ELAC2: variants seen among roughly 807,000 people sequenced by gnomAD.
ELAC2 encodes zinc phosphodiesterase ELAC protein 2.
A neutral mutation model predicts 105.2 loss-of-function variants in ELAC2; 92 were observed. The ratio of observed to expected loss-of-function variants is 0.87; its 90% CI spans 0.74 to 1.04. The LOEUF is 1.04. Among genes scored for constraint, ELAC2 ranks in the 50% least tolerant of loss-of-function variants. ELAC2 has a pLI of 0.00. For missense variants in ELAC2, 1,099 were observed against 1,071.7 expected (o/e 1.03, Z -0.36); for synonymous variants, 468 against 409.1 (o/e 1.14, Z -1.74).
intron 1 of ELAC2, 68 bp from the exon 2 acceptor site, chr17:13,017,189 A>T: frequency 7.5e-7 from 1 of 1,338,226 alleles, no homozygotes; most frequent in Non-Finnish European, 1.1e-6. Context: ...CACCAATTAG[A>T]TGTTTTATTG....
At chr17:13,005,628 G>C in intron 10 of ELAC2, 125 bp downstream of exon 10, 2 of 936,816 alleles carry the variant, frequency 2.1e-6, no homozygotes, top group South Asian at 2.6e-5. Context: ...TCACTTAGCT[G>C]AGTGATGTCC....
chr17:13,010,901 T>C (rs2041376789), intron 7 of ELAC2, among the ~76,000 whole-genome samples: 1 of 152,226 alleles, frequency 6.6e-6, no homozygotes, highest in Non-Finnish European at 1.5e-5. Context: ...AGAAAAACTT[T>C]AGAATGGCAA....
rs73981603 is a variant in ELAC2 at position 12,993,370 on chromosome 17, C to T, written c.2253+317G>A. Among the ~76,000 whole-genome samples the T allele has an allele frequency of 3.7e-3, 565 of 152,324 alleles. 5 individuals are homozygous for T. Among genetic ancestry groups the T allele is most frequent in the African/African-American group, 0.013 (544 of 41,576 alleles). ...AAGGCCAAGGGTCAGGCCTGGCTTT[C>T]CCACTCACAAGAGGCAACCACCTGT... On this transcript the variant is annotated intron_variant, in intron 23 of 23. Coordinates refer to ENST00000338034, the MANE Select transcript of ELAC2 (RefSeq NM_018127.7).
Position 13,008,597 on chromosome 17 carries a change from C to T in ELAC2, c.738+2016G>A, listed in dbSNP as rs1407979873. ...TGAACTCAACCCATGGAGATATGTT[C>T]CTCTCTGAGGAATGCAGAGTATCTG... On this transcript the variant is annotated intron_variant, in intron 8 of 23. Transcript: ENST00000338034. 2.0e-5 allele frequency among the ~76,000 whole-genome samples: 3 copies of T among 152,134 alleles called. No individual in the cohort carries two copies. In the East Asian group the frequency reaches 5.8e-4, roughly 29 times the overall value.
intron 2 of ELAC2, 23 bp from the exon 3 acceptor site, chr17:13,016,955 A>G (rs2041765801): frequency 2.5e-6 from 4 of 1,613,632 alleles, no homozygotes; most frequent in Non-Finnish European, 3.4e-6. Context: ...AAACATTTAA[A>G]CAGGATAACA....
At chr17:13,006,157 G>T (rs1598240507) in intron 8 of ELAC2, 178 bp from the exon 9 acceptor site, 1 of 670,052 alleles carries the variant, frequency 1.5e-6, no homozygotes, top group Non-Finnish European at 2.6e-6. Flanking sequence ...GATCACCTGA[G>T]GTCAGGAGTT....
Position 12,991,772 on chromosome 17 carries a change from T to G in ELAC2, c.*1046A>C, listed in dbSNP as rs1310579599. On this transcript the variant is annotated 3_prime_UTR_variant, in exon 24 of 24. Coordinates refer to ENST00000338034, the MANE Select transcript of ELAC2 (RefSeq NM_018127.7). Reference sequence around the variant, plus strand: ...GTCCCTGGCTGATCTCTCGCTTGCTTGTCTTTTGAGTTTTTAAAGCTCTTC... The same window carrying G: ...GTCCCTGGCTGATCTCTCGCTTGCTGGTCTTTTGAGTTTTTAAAGCTCTTC... 7 of 213,118 alleles carry G rather than the reference T, an allele frequency of 3.3e-5. No homozygotes were observed. Among genetic ancestry groups the G allele is most frequent in the East Asian group, 2.1e-4 (3 of 14,336 alleles). The allele number at this position is 213,118 out of a possible 1,614,324, so 13.2% of individuals were successfully genotyped here. A position where few individuals can be genotyped will look rare whatever the true frequency, so the allele number is the denominator to read the frequency against.
chr17:12,992,152 T>TTG lies in ELAC2; in HGVS notation c.*665_*666insCA, dbSNP rs1555570723. 1.3e-5 allele frequency among the ~76,000 whole-genome samples: 2 copies of TTG among 150,962 alleles called. No individual in the cohort carries two copies. The highest frequency in any genetic ancestry group is 3.0e-5 in the Non-Finnish European group (2 of 67,580). On this transcript the variant is annotated 3_prime_UTR_variant, in exon 24 of 24. Transcript: ENST00000338034. Reference sequence around the variant, plus strand: ...TTTGATTGATTGATTGATTGATTGATAGAGAAAGCACGCCCTGCTGTGAGC... The same window carrying TTG: ...TTTGATTGATTGATTGATTGATTGATTGAGAGAAAGCACGCCCTGCTGTGAGC...
intron 8 of ELAC2, among the ~76,000 whole-genome samples, chr17:13,007,270 A>C (rs896104090): frequency 1.3e-5 from 2 of 152,204 alleles, no homozygotes; most frequent in Non-Finnish European, 2.9e-5. Context: ...TTGAGTGCTA[A>C]ATGACATTTG....
At chr17:13,016,436 T>C (rs1316822229) in intron 3 of ELAC2, among the ~76,000 whole-genome samples, 3 of 152,164 alleles carry the variant, frequency 2.0e-5, no homozygotes, top group Non-Finnish European at 2.9e-5. Context: ...TTAAAATCTG[T>C]TCTCCTGAGT....
Position 13,005,951 on chromosome 17 carries a change from A to G in ELAC2, c.767T>C (p.Val256Ala). 6.2e-7 allele frequency: 1 copy of G among 1,614,238 alleles called. No homozygotes were observed. Among genetic ancestry groups the G allele is most frequent in the East Asian group, 2.2e-5 (1 of 44,886 alleles). The change falls in exon 9 of 24, where the codon GTG (valine) becomes GCG (alanine). Residue 256 changes from valine to alanine, a missense_variant. Transcript: ENST00000338034. ...GAGGCCCATCTCCTTTGCTTTGAGCACCAAGAAGTTTCCTCTCTTTAAGTG... is the reference window on the plus strand; with the variant it reads ...GAGGCCCATCTCCTTTGCTTTGAGCGCCAAGAAGTTTCCTCTCTTTAAGTG... The part of the protein sequence containing the change: ...KLHLKRGNFL[V>A]LKAKEMGLPV...
At chr17:13,010,741 G>A in intron 7 of ELAC2, 70 bp from the exon 8 acceptor site, 1 of 1,363,972 alleles carries the variant, frequency 7.3e-7, no homozygotes, top group South Asian at 1.2e-5. Context: ...GACTGATTAT[G>A]ACCCGATACC....
chr17:12,997,586 G>A (rs2040542267), intron 16 of ELAC2, among the ~76,000 whole-genome samples: 1 of 152,038 alleles, frequency 6.6e-6, no homozygotes, highest in South Asian at 2.1e-4. Flanking sequence ...GGAGAGGCCG[G>A]CTCACTCCAA....
intron 8 of ELAC2, among the ~76,000 whole-genome samples, chr17:13,007,024 G>C (rs984614999): frequency 6.6e-6 from 1 of 151,848 alleles, no homozygotes; most frequent in East Asian, 1.9e-4. Flanking sequence ...GGGAGGCTGA[G>C]GCAGGAACCC....
At chr17:13,007,763 A>AGGT (rs1389255878) in intron 8 of ELAC2, among the ~76,000 whole-genome samples, 4 of 152,190 alleles carry the variant, frequency 2.6e-5, no homozygotes, top group Non-Finnish European at 5.9e-5. Context: ...CTGAAGTCCC[A>AGGT]GCTACTCGGG....
In ELAC2 at chr17:13,002,561, C is replaced by T. The variant is rs373534638; in HGVS notation, c.1098G>A (p.Gln366=). 2 of 1,603,500 alleles carry T rather than the reference C, an allele frequency of 1.2e-6. No homozygotes were observed. Among genetic ancestry groups the T allele is most frequent in the Non-Finnish European group, 8.5e-7 (1 of 1,174,038 alleles). Residue 366 remains glutamine, a synonymous_variant, in exon 13 of 24, where the codon CAG becomes CAA. Transcript: ENST00000338034. ...QWMERFGPDT[Q]HLVLNENCAS... is the part of the protein sequence containing the mutation. ...CACAGTTCTCATTCAGGACCAAGTG[C>T]TGGGTGTCAGGCCCAAACCTGTGAA... is the stretch of plus-strand genomic sequence containing the variant.
At chr17:13,003,031 C>G (rs566858399) in intron 12 of ELAC2, among the ~76,000 whole-genome samples, 1 of 152,316 alleles carries the variant, frequency 6.6e-6, no homozygotes, top group East Asian at 1.9e-4. Flanking sequence ...GAAAAAGATG[C>G]CTTCCAGTGA....
At position 13,005,905 on chromosome 17, in the gene ELAC2, T is replaced by C. The variant is rs895800256; in HGVS notation, c.797+16A>G. On this transcript the variant is annotated intron_variant, in intron 9 of 23. Coordinates refer to ENST00000338034, the MANE Select transcript of ELAC2 (RefSeq NM_018127.7). ...GTACCCAGTGAGTCCCCAGAAGCCT[T>C]ACCCCCCACACTCACACTGGGAGGC... 1 of 1,614,132 alleles carries C rather than the reference T, an allele frequency of 6.2e-7. No homozygotes were observed. The highest frequency in any genetic ancestry group is 8.5e-7 in the Non-Finnish European group (1 of 1,180,018).
rs1256416512 is a variant in ELAC2 at position 12,992,072 on chromosome 17, A to AGAC, written c.*743_*745dup. Among the ~76,000 whole-genome samples, 3 of 152,336 alleles carry AGAC rather than the reference A, an allele frequency of 2.0e-5. No individual in the cohort carries two copies. Among genetic ancestry groups the AGAC allele is most frequent in the Admixed American group, 6.5e-5 (1 of 15,296 alleles). ...TCCACTTTTACCCAGAACCACCAGA[A>AGAC]GACTTGCATTTCCCTGACCAATGAC... On this transcript the variant is annotated 3_prime_UTR_variant, in exon 24 of 24. Transcript: ENST00000338034.
Sources: allele counts gnomAD v4.1 joint callset (sites outside exome capture counted in the v4.1 genomes callset), GRCh38; gene constraint gnomAD v4.1.1; transcripts MANE v1.5; gene names NCBI Gene and HGNC (gene_info 2026-07-23, HGNC 2026-07-21).